Variants in DPF3 observed in about 807,000 individuals in gnomAD.
DPF3 encodes double PHD fingers 3, also known as zinc finger protein DPF3.
Under a neutral mutation model 56.8 loss-of-function variants are expected in DPF3, and 18 were observed. The observed-to-expected ratio is 0.32, with a 90% CI of 0.22 to 0.47. The LOEUF (loss-of-function observed/expected upper bound fraction) is 0.47, where lower values mean the gene tolerates loss of function less well. DPF3 is among the 20% of genes least tolerant of loss of function. The pLI is 1.00. For synonymous variants in DPF3, 188 were observed against 180.2 expected, an observed-to-expected ratio of 1.04 and a Z score of -0.35; for missense variants, 403 against 488.8, an observed-to-expected ratio of 0.82 and a Z score of 1.65.
chr14:72,742,612 G>A (rs888535719), intron 3 of DPF3: 1 of 152,380 alleles, frequency 6.6e-6, no homozygotes, highest in Non-Finnish European at 1.5e-5. Flanking sequence ...CGTTCCTTAA[G>A]TTGTTCCCGG....
rs112050730 is a variant in DPF3 at position 72,747,516 on chromosome 14, A to G, written c.301+5748T>C. 7.4e-3 allele frequency among the ~76,000 whole-genome samples: 1,118 copies of G among 151,624 alleles called. 14 individuals carry two copies. The highest frequency in any genetic ancestry group is 0.026 in the African/African-American group (1,079 of 41,336). On this transcript the variant is annotated intron_variant, in intron 3 of 10. Coordinates refer to ENST00000556509, the MANE Select transcript of DPF3 (RefSeq NM_001280542.3). Reference sequence around the variant, plus strand: ...GGTACAGAGAGACTGGCTGGGTGTGATGGCTGATCCCTATAATCCCAGCAT... The same window carrying G: ...GGTACAGAGAGACTGGCTGGGTGTGGTGGCTGATCCCTATAATCCCAGCAT...
chr14:72,652,538 G>T (rs2153568645), intron 8 of DPF3, among the ~76,000 whole-genome samples: 1 of 152,236 alleles, frequency 6.6e-6, no homozygotes, highest in Admixed American at 6.5e-5. Flanking sequence ...CTTTCTCCCT[G>T]GGCCATTTAG....
rs77697572 is a variant in DPF3 at position 72,612,386 on chromosome 14, T to C, written c.*6911A>G. 3,411 of 492,372 alleles carry C rather than the reference T, an allele frequency of 6.9e-3. 104 individuals are homozygous for C. Among genetic ancestry groups the C allele is most frequent in the African/African-American group, 0.061 (3,089 of 50,982 alleles). 30.5% of individuals were successfully genotyped at this position (492,372 alleles called of 1,614,324 possible). A position where few individuals can be genotyped will look rare whatever the true frequency, so the allele number is the denominator to read the frequency against. On this transcript the variant is annotated 3_prime_UTR_variant, in exon 11 of 11. Transcript: ENST00000556509. Reference sequence around the variant, plus strand: ...CTCCTCTGCTCTGAGATAATCATTCTATATTTTCATGCTCTTGCTCACATA... The same window carrying C: ...CTCCTCTGCTCTGAGATAATCATTCCATATTTTCATGCTCTTGCTCACATA...
At chr14:72,884,958 A>ATATATATATATG (rs1209423889) in intron 1 of DPF3, among the ~76,000 whole-genome samples, 2 of 100,434 alleles carry the variant, frequency 2.0e-5, no homozygotes, top group Non-Finnish European at 4.2e-5. Context: ...ATATATATAT[A>ATATATATATATG]TATATATATA....
At chr14:72,660,909 TA>T in intron 8 of DPF3, 1 of 344,378 alleles carries the variant, frequency 2.9e-6, no homozygotes, top group Non-Finnish European at 4.1e-6. Flanking sequence ...TGCTTGTAAA[TA>T]AAACAACAAG....
At chr14:72,876,768 G>C (rs1211560989) in intron 1 of DPF3, among the ~76,000 whole-genome samples, 2 of 152,172 alleles carry the variant, frequency 1.3e-5, no homozygotes, top group Non-Finnish European at 2.9e-5. Context: ...AGCATCCTCT[G>C]TCATCCCAGC....
rs1454847722 is a variant in DPF3, at chr14:72,618,463, C to T, written c.*834G>A. 6.6e-6 allele frequency among the ~76,000 whole-genome samples: 1 copy of T among 152,276 alleles called. No homozygotes were observed. The highest frequency in any genetic ancestry group is 1.5e-5 in the Non-Finnish European group (1 of 68,016). On this transcript the variant is annotated 3_prime_UTR_variant, in exon 11 of 11. Coordinates refer to ENST00000556509, the MANE Select transcript of DPF3 (RefSeq NM_001280542.3). ...GTGGGCTGAGAGGCAGAGGCTTGAC[C>T]GTCTTCCTCTGTCCATAGGCCATGA...
Position 72,847,363 on chromosome 14 carries a change from T to C in DPF3, c.32+46694A>G, listed in dbSNP as rs182938831. On this transcript the variant is annotated intron_variant, in intron 1 of 10. Transcript: ENST00000556509. ...AACTTACCATGAGGGCCACGACATA[T>C]GTCTCTACTTACGGATTCCACCAGT... Among the ~76,000 whole-genome samples the C allele has an allele frequency of 5.9e-5, 9 of 152,346 alleles. No homozygotes were observed. In the East Asian group the frequency reaches 1.7e-3, roughly 29 times the overall value.
chr14:72,753,510 T>C (rs2139902021), intron 2 of DPF3, 139 bp from the exon 3 acceptor site: 3 of 691,886 alleles, frequency 4.3e-6, no homozygotes, highest in East Asian at 2.9e-5. Flanking sequence ...ACAAAGCTGA[T>C]TGCTAGTGGT....
chr14:72,681,647 G>A (rs1887169919), intron 7 of DPF3, among the ~76,000 whole-genome samples: 2 of 152,172 alleles, frequency 1.3e-5, no homozygotes. Context: ...CAAACCTGGT[G>A]AATATTTACT....
chr14:72,779,475 C>T (rs1322694741), intron 1 of DPF3, among the ~76,000 whole-genome samples: 1 of 152,188 alleles, frequency 6.6e-6, no homozygotes, highest in Non-Finnish European at 1.5e-5. Context: ...TGCCCAGGTT[C>T]CTCTGCTGGG....
intron 5 of DPF3, among the ~76,000 whole-genome samples, chr14:72,717,946 C>T (rs1888999710): frequency 6.6e-6 from 1 of 152,242 alleles, no homozygotes; most frequent in Non-Finnish European, 1.5e-5. Flanking sequence ...GTCCCACTGG[C>T]CACAGTTGAT....
At chr14:72,712,135 A>G (rs966785396) in intron 6 of DPF3, among the ~76,000 whole-genome samples, 2 of 151,916 alleles carry the variant, frequency 1.3e-5, no homozygotes, top group African/African-American at 4.8e-5. Context: ...CAGAGCCAAG[A>G]AAGCAGCCGC....
chr14:72,685,874 G>T (rs1229194462), intron 7 of DPF3, among the ~76,000 whole-genome samples: 1 of 152,180 alleles, frequency 6.6e-6, no homozygotes, highest in Non-Finnish European at 1.5e-5. Flanking sequence ...GACACGTGGA[G>T]CCCCAATCCT....
chr14:72,660,335 G>C (rs1264018547), intron 8 of DPF3, among the ~76,000 whole-genome samples: 1 of 152,132 alleles, frequency 6.6e-6, no homozygotes. Flanking sequence ...GTGATATTCA[G>C]TCTAAAGAAA....
rs537860040 is a variant in DPF3, at chr14:72,873,430, C to T, written c.32+20627G>A. Among the ~76,000 whole-genome samples, 8 of 152,280 alleles carry T rather than the reference C, an allele frequency of 5.3e-5. No homozygotes were observed. In the South Asian group the frequency reaches 1.7e-3, roughly 32 times the overall value. On this transcript the variant is annotated intron_variant, in intron 1 of 10. Transcript: ENST00000556509. ...TTAAAAAGTCAGGAAACAACAGGTGCTGGAGAGGATGTGGAGAAATAGGAA... is the reference window on the plus strand; with the variant it reads ...TTAAAAAGTCAGGAAACAACAGGTGTTGGAGAGGATGTGGAGAAATAGGAA...
At chr14:72,892,504 C>T in intron 1 of DPF3, 1 of 1,413,448 alleles carries the variant, frequency 7.1e-7, no homozygotes, top group Non-Finnish European at 9.2e-7. Context: ...GCCTTCCTAC[C>T]CCTTTCCCTA....
intron 8 of DPF3, among the ~76,000 whole-genome samples, chr14:72,657,633 C>A (rs1340628040): frequency 6.6e-6 from 1 of 152,012 alleles, no homozygotes; most frequent in Admixed American, 6.6e-5. Flanking sequence ...ATTACCACCA[C>A]CACCACCACC....
chr14:72,671,294 C>T lies in DPF3; in HGVS notation c.871+2946G>A, dbSNP rs774024591. 2.0e-5 allele frequency: 32 copies of T among 1,613,904 alleles called. No homozygotes were observed. Among genetic ancestry groups the T allele is most frequent in the Admixed American group, 5.0e-5 (3 of 60,008 alleles). On this transcript the variant is annotated intron_variant, in intron 8 of 10. Transcript: ENST00000556509. ...AATAAGTCCTCCGTGGTACGTGCTGCGGCCGCTGCCTCCTTCTCCTTCCTG... is the reference window on the plus strand; with the variant it reads ...AATAAGTCCTCCGTGGTACGTGCTGTGGCCGCTGCCTCCTTCTCCTTCCTG...
Sources: allele counts gnomAD v4.1 joint callset (sites outside exome capture counted in the v4.1 genomes callset), GRCh38; gene constraint gnomAD v4.1.1; transcripts MANE v1.5; gene names NCBI Gene and HGNC (gene_info 2026-07-23, HGNC 2026-07-21).